PLAA: variants seen among roughly 807,000 people sequenced by gnomAD.
PLAA encodes the protein phospholipase A-2-activating protein.
PLAA carries 48 observed loss-of-function variants against 84.1 expected under a neutral mutation model. That is an observed-to-expected ratio of 0.57 (90% CI 0.45 to 0.73). The LOEUF is 0.73. PLAA is among the 30% of genes least tolerant of loss of function. The probability of loss-of-function intolerance (pLI) is 0.00; values close to 1 mark genes in which losing one functional copy is unlikely to be tolerated. For synonymous variants in PLAA, 392 were observed against 336.6 expected, an observed-to-expected ratio of 1.16 and a Z score of -1.80; for missense variants, 903 against 954.7, an observed-to-expected ratio of 0.95 and a Z score of 0.71.
intron 1 of PLAA, among the ~76,000 whole-genome samples, chr9:26,945,443 T>C (rs1299840721): frequency 6.6e-6 from 1 of 152,226 alleles, no homozygotes; most frequent in African/African-American, 2.4e-5. Flanking sequence ...TTTTGGATAT[T>C]ATAGAATTTT....
rs1196520673 is a variant in PLAA, at chr9:26,907,949, A to T, written c.1707T>A (p.Thr569=). The T allele has an allele frequency of 1.5e-5, 24 of 1,609,192 alleles. No individual in the cohort carries two copies. The highest frequency in any genetic ancestry group is 2.0e-5 in the Non-Finnish European group (23 of 1,178,728). ...TCTCAAGAAGTATCAAGTCATCCTC[A>T]GTTAACTTCTTCTCTTCAGGTGCAG... ...NGTAPEEKKL[T]EDDLILLEKI... Residue 569 remains threonine, a synonymous_variant, in exon 13 of 14, where the codon ACT becomes ACA. Coordinates refer to ENST00000397292, the MANE Select transcript of PLAA (RefSeq NM_001031689.3).
At position 26,923,350 on chromosome 9, in the gene PLAA, G is replaced by A. The variant is rs978672144; in HGVS notation, c.870-3C>T. ...TAAACACTCTAATAATGCCATCACT[G>A]TAAGGAAAAATAAACTGATTTTAGA... On this transcript the variant is annotated splice_region_variant and splice_polypyrimidine_tract_variant and intron_variant, in intron 6 of 13. Transcript: ENST00000397292. 2 of 1,590,584 alleles carry A rather than the reference G, an allele frequency of 1.3e-6. No homozygotes were observed. Among genetic ancestry groups the A allele is most frequent in the Admixed American group, 3.5e-5 (2 of 57,656 alleles).
At chr9:26,906,717 C>T (rs757899833) in intron 13 of PLAA, among the ~76,000 whole-genome samples, 27 of 152,060 alleles carry the variant, frequency 1.8e-4, no homozygotes, top group South Asian at 4.1e-4. Flanking sequence ...CATGAGCCAC[C>T]GTGCCCAGCC....
chr9:26,934,659 T>C (rs1219839886), intron 2 of PLAA, among the ~76,000 whole-genome samples: 1 of 152,004 alleles, frequency 6.6e-6, no homozygotes, highest in Non-Finnish European at 1.5e-5. Context: ...TTTGTATTTT[T>C]AGTAGAGGCG....
chr9:26,928,137 T>C lies in PLAA; in HGVS notation c.528A>G (p.Lys176=). ...MLTGSADKTV[K]LWKAGRCERT... ...TCTCACATCTTCCAGCCTTCCACAGTTTAACAGTCTTGTCTGCTGATCCAG... is the reference window on the plus strand; with the variant it reads ...TCTCACATCTTCCAGCCTTCCACAGCTTAACAGTCTTGTCTGCTGATCCAG... The change falls in exon 4 of 14, where the codon AAA becomes AAG. Residue 176 remains lysine, a synonymous_variant. Coordinates refer to ENST00000397292, the MANE Select transcript of PLAA (RefSeq NM_001031689.3). 3 of 1,614,170 alleles carry C rather than the reference T, an allele frequency of 1.9e-6. No individual in the cohort carries two copies. The highest frequency in any genetic ancestry group is 2.5e-6 in the Non-Finnish European group (3 of 1,180,016).
intron 11 of PLAA, among the ~76,000 whole-genome samples, chr9:26,912,591 A>G (rs1308987109): frequency 3.3e-5 from 5 of 152,222 alleles, no homozygotes; most frequent in Admixed American, 3.3e-4. Flanking sequence ...GTTAAAAACT[A>G]ACTTCTGGAA....
chr9:26,933,414 T>C (rs1385295772), intron 2 of PLAA, among the ~76,000 whole-genome samples: 1 of 151,872 alleles, frequency 6.6e-6, no homozygotes, highest in Non-Finnish European at 1.5e-5. Context: ...ATCACACCAC[T>C]GCACTCCAGC....
chr9:26,915,927 G>C (rs7863476), intron 10 of PLAA: 7 of 985,118 alleles, frequency 7.1e-6, no homozygotes, highest in Non-Finnish European at 7.2e-6. Context: ...ACTGCTGATA[G>C]AGAGAAAGCC....
chr9:26,935,983 A>C (rs907054887), intron 1 of PLAA, among the ~76,000 whole-genome samples: 33 of 152,022 alleles, frequency 2.2e-4, no homozygotes, highest in African/African-American at 8.0e-4. Flanking sequence ...CTTACTTAAC[A>C]AGTTCAACCA....
At chr9:26,920,495 T>A (rs113438514) in intron 7 of PLAA, 111 bp from the exon 8 acceptor site, 277 of 602,882 alleles carry the variant, frequency 4.6e-4, no homozygotes, top group African/African-American at 4.4e-3. Context: ...ATATGGATTT[T>A]GTTTCAAAAT....
rs1455722084 is a variant in PLAA at position 26,947,033 on chromosome 9, C to T, written c.13G>A (p.Ala5Thr). 1.4e-5 allele frequency: 22 copies of T among 1,584,462 alleles called. No homozygotes were observed. Among genetic ancestry groups the T allele is most frequent in the Admixed American group, 3.6e-5 (2 of 56,150 alleles). Residue 5 changes from alanine (A) to threonine (T), a missense_variant, in exon 1 of 14, where the codon GCA becomes ACA. Coordinates refer to ENST00000397292, the MANE Select transcript of PLAA (RefSeq NM_001031689.3). MTSG[A>T]TRYRLSCSLR... ...GAGCAGCTCAGCCGGTACCTGGTTG[C>T]GCCGCTCGTCATGGCCAGTGTCTGT...
intron 1 of PLAA, 86 bp downstream of exon 1, chr9:26,946,811 G>A (rs1353350200): frequency 2.1e-6 from 3 of 1,411,630 alleles, no homozygotes; most frequent in Admixed American, 2.4e-5. Flanking sequence ...GAGAGAGACG[G>A]CAGGACTGAC....
chr9:26,928,511 C>A, intron 2 of PLAA, 103 bp from the exon 3 acceptor site: 1 of 807,700 alleles, frequency 1.2e-6, no homozygotes. Flanking sequence ...TTTGAAGTGG[C>A]AGTATCTTAG....
rs991453122 is a variant in PLAA, at chr9:26,947,202, G to C, written c.-157C>G. The C allele has an allele frequency of 5.9e-6, 5 of 847,624 alleles. No homozygotes were observed. Among genetic ancestry groups the C allele is most frequent in the African/African-American group, 3.6e-5 (2 of 55,348 alleles). The allele number at this position is 847,624 out of a possible 1,614,324, so 52.5% of individuals were successfully genotyped here. On this transcript the variant is annotated 5_prime_UTR_variant, in exon 1 of 14. Coordinates refer to ENST00000397292, the MANE Select transcript of PLAA (RefSeq NM_001031689.3). ...GAGAGCCGGTACGGAAGGGCGGCTG[G>C]GAAGGGGCGCGCCGAGCGGGCCGAG...
intron 2 of PLAA, among the ~76,000 whole-genome samples, chr9:26,930,109 T>A (rs7866718): frequency 0.15 from 21,066 of 136,668 alleles, 1,655 homozygotes; most frequent in Middle Eastern, 0.26. Context: ...TATTATTATT[T>A]TTTTTTTTTT....
Position 26,922,040 on chromosome 9 carries a change from T to C in PLAA, c.1039+1138A>G, listed in dbSNP as rs193107678. ...AATACCAAAGCCTGAATAACCGTAG[T>C]CATTCTTTCAAATAAAAATAGCACT... On this transcript the variant is annotated intron_variant, in intron 7 of 13. Transcript: ENST00000397292. 2.6e-5 allele frequency among the ~76,000 whole-genome samples: 4 copies of C among 152,342 alleles called. No homozygotes were observed. In the East Asian group the frequency reaches 7.7e-4, roughly 29 times the overall value.
chr9:26,913,759 G>C (rs987398387), intron 11 of PLAA, 120 bp downstream of exon 11: 2 of 646,522 alleles, frequency 3.1e-6, no homozygotes, highest in African/African-American at 3.7e-5. Flanking sequence ...GTTTGGTCTC[G>C]ATTTACTATA....
chr9:26,921,198 T>TA (rs1433423005), intron 7 of PLAA, among the ~76,000 whole-genome samples: 4 of 152,202 alleles, frequency 2.6e-5, no homozygotes, highest in Non-Finnish European at 4.4e-5. Flanking sequence ...TTCACACAGA[T>TA]ATTGGCAGTA....
At chr9:26,925,677 A>G (rs535174670) in intron 6 of PLAA, 148 bp downstream of exon 6, 1 of 627,238 alleles carries the variant, frequency 1.6e-6, no homozygotes, top group Non-Finnish European at 2.8e-6. Flanking sequence ...GAAAGCTATA[A>G]TATCTACTAC....
Sources: gnomAD v4.1 joint callset for allele counts (sites outside exome capture counted in the v4.1 genomes callset) on GRCh38, gnomAD v4.1.1 for gene constraint, MANE v1.5 for transcripts, NCBI Gene and HGNC (gene_info 2026-07-23, HGNC 2026-07-21) for gene names.